The following WWOX variants were observed in gnomAD, a reference collection of about 807,000 sequenced individuals.
WWOX encodes WW domain containing oxidoreductase.
Under a neutral mutation model 46.2 loss-of-function variants are expected in WWOX, and 69 were observed. That is an observed-to-expected ratio of 1.49 (90% CI 1.23 to 1.82). The LOEUF is 1.82. WWOX is among the 40% of genes most tolerant of loss of function. The pLI, the probability that WWOX is intolerant of heterozygous loss-of-function variation, is 0.00. For missense variants in WWOX, 919 were observed against 542.6 expected (o/e 1.69, Z -6.89); for synonymous variants, 359 against 202.6 (o/e 1.77, Z -6.56).
intron 5 of WWOX, among the ~76,000 whole-genome samples, chr16:78,284,844 T>G (rs1293358294): frequency 1.3e-5 from 2 of 152,252 alleles, no homozygotes; most frequent in African/African-American, 4.8e-5. Flanking sequence ...TCAAGAGTCA[T>G]ACGATATTTG....
At chr16:78,934,684 G>C (rs1378045298) in intron 8 of WWOX, among the ~76,000 whole-genome samples, 4 of 152,072 alleles carry the variant, frequency 2.6e-5, no homozygotes, top group Admixed American at 2.6e-4. Flanking sequence ...TTCAGTGCCA[G>C]AACCCAGCAT....
chr16:79,200,372 A>G (rs1475495636), intron 8 of WWOX, among the ~76,000 whole-genome samples: 1 of 152,176 alleles, frequency 6.6e-6, no homozygotes, highest in Non-Finnish European at 1.5e-5. Flanking sequence ...GGGGTGCTAC[A>G]AAGGGTATAG....
intron 5 of WWOX, among the ~76,000 whole-genome samples, chr16:78,201,118 C>T (rs1472473725): frequency 6.6e-6 from 1 of 152,148 alleles, no homozygotes; most frequent in Non-Finnish European, 1.5e-5. Flanking sequence ...TTTGGAAACA[C>T]CTAAATAAAA....
intron 8 of WWOX, among the ~76,000 whole-genome samples, chr16:79,151,590 C>T (rs933408753): frequency 6.6e-6 from 1 of 152,270 alleles, no homozygotes; most frequent in African/African-American, 2.4e-5. Context: ...ACCTCACCCT[C>T]TGCTTATGGG....
At chr16:78,398,483 G>T (rs2082339124) in intron 6 of WWOX, among the ~76,000 whole-genome samples, 1 of 152,148 alleles carries the variant, frequency 6.6e-6, no homozygotes, top group Non-Finnish European at 1.5e-5. Context: ...GATTGCTTGT[G>T]TCACGTCCTC....
intron 8 of WWOX, among the ~76,000 whole-genome samples, chr16:79,091,196 C>G (rs1032142315): frequency 6.6e-6 from 1 of 152,164 alleles, no homozygotes; most frequent in African/African-American, 2.4e-5. Context: ...AGACTTTTTC[C>G]TCTTCCTATA....
chr16:78,420,812 T>A (rs1337791698), intron 6 of WWOX, among the ~76,000 whole-genome samples: 1 of 152,116 alleles, frequency 6.6e-6, no homozygotes. Flanking sequence ...AATTAGCTAA[T>A]GCTTATTGTA....
intron 8 of WWOX, among the ~76,000 whole-genome samples, chr16:78,856,395 C>T (rs1000536579): frequency 6.6e-6 from 1 of 152,168 alleles, no homozygotes; most frequent in Non-Finnish European, 1.5e-5. Context: ...GTAATCGCAG[C>T]ACTTTGGTTG....
intron 8 of WWOX, among the ~76,000 whole-genome samples, chr16:78,507,961 C>G (rs1181383859): frequency 7.0e-6 from 1 of 142,380 alleles, no homozygotes; most frequent in East Asian, 2.0e-4. Context: ...ACCTTTTATG[C>G]ATGGACTGTG....
rs1555569186 is a variant in WWOX, at chr16:78,922,984, C to CTTTTTTCCT, written c.1057-288618_1057-288617insCCTTTTTTT. 4.2e-5 allele frequency among the ~76,000 whole-genome samples: 6 copies of CTTTTTTCCT among 141,528 alleles called. No homozygotes were observed. The South Asian group carries it at 1.1e-3, about 26-fold the overall frequency. 92.8% of individuals were successfully genotyped at this position (141,528 alleles called of 152,430 possible). On this transcript the variant is annotated intron_variant, in intron 8 of 8. Coordinates refer to ENST00000566780, the MANE Select transcript of WWOX (RefSeq NM_016373.4). Reference sequence around the variant, plus strand: ...CAGGAGGCATAATTCTTTCTCTTTTCTTTTTTTTTTTTTTGAGACAGAGTT... The same window carrying CTTTTTTCCT: ...CAGGAGGCATAATTCTTTCTCTTTTCTTTTTTCCTTTTTTTTTTTTTTTGAGACAGAGTT...
At chr16:78,245,471 A>G (rs2037788854) in intron 5 of WWOX, among the ~76,000 whole-genome samples, 1 of 152,260 alleles carries the variant, frequency 6.6e-6, no homozygotes, top group African/African-American at 2.4e-5. Flanking sequence ...CTTGGGCCAG[A>G]AATCTACCAT....
intron 5 of WWOX, among the ~76,000 whole-genome samples, chr16:78,338,915 A>G (rs1447357594): frequency 8.3e-6 from 1 of 121,148 alleles, no homozygotes; most frequent in African/African-American, 2.8e-5. Context: ...AGCCCTCAGC[A>G]TCAACTTCTT....
At chr16:78,752,766 T>G (rs1597549487) in intron 8 of WWOX, among the ~76,000 whole-genome samples, 2 of 152,336 alleles carry the variant, frequency 1.3e-5, no homozygotes, top group Admixed American at 1.3e-4. Flanking sequence ...CACAACTTTA[T>G]GTAATAAGTA....
chr16:78,902,934 G>A (rs1027854858), intron 8 of WWOX, among the ~76,000 whole-genome samples: 1 of 152,168 alleles, frequency 6.6e-6, no homozygotes, highest in Non-Finnish European at 1.5e-5. Flanking sequence ...CAAGGGAGTC[G>A]CGGCTGAGTC....
intron 8 of WWOX, chr16:78,994,198 C>G (rs2046943618): frequency 6.6e-6 from 1 of 151,956 alleles, no homozygotes; most frequent in Middle Eastern, 3.4e-3. Flanking sequence ...CCTTATAGGC[C>G]TTCTTGTTTT....
intron 8 of WWOX, among the ~76,000 whole-genome samples, chr16:78,759,250 G>A (rs2049732211): frequency 6.6e-6 from 1 of 152,202 alleles, no homozygotes; most frequent in Admixed American, 6.5e-5. Flanking sequence ...ATGCCAAGAT[G>A]TTTTGAAGGT....
At chr16:79,171,240 C>A (rs2050694052) in intron 8 of WWOX, among the ~76,000 whole-genome samples, 1 of 152,146 alleles carries the variant, frequency 6.6e-6, no homozygotes, top group East Asian at 1.9e-4. Context: ...TTAGGGGTTG[C>A]TCAGAGGAGG....
intron 8 of WWOX, among the ~76,000 whole-genome samples, chr16:78,732,282 C>G (rs1389497381): frequency 2.6e-5 from 4 of 152,124 alleles, no homozygotes; most frequent in Non-Finnish European, 5.9e-5. Flanking sequence ...CTGGTTGTGT[C>G]TCTCACTCAT....
chr16:78,151,353 C>A (rs1397847503), intron 4 of WWOX, among the ~76,000 whole-genome samples: 2 of 152,142 alleles, frequency 1.3e-5, no homozygotes, highest in Non-Finnish European at 2.9e-5. Flanking sequence ...TGGGGTCCTC[C>A]CCCTTTTTTG....
Sources: allele counts gnomAD v4.1 joint callset (sites outside exome capture counted in the v4.1 genomes callset), GRCh38; gene constraint gnomAD v4.1.1; transcripts MANE v1.5; gene names NCBI Gene and HGNC (gene_info 2026-07-23, HGNC 2026-07-21).